The following DDX24 variants were observed in gnomAD, a reference collection of about 807,000 sequenced individuals.
The protein encoded by DDX24 is ATP-dependent RNA helicase DDX24.
A neutral mutation model predicts 68.9 loss-of-function variants in DDX24; 24 were observed. The ratio of observed to expected loss-of-function variants is 0.35; its 90% CI spans 0.25 to 0.49. The LOEUF is 0.49. Ranked by LOEUF, DDX24 falls within the 20% of genes least tolerant of loss-of-function variation. The pLI is 0.99. For missense variants in DDX24, 989 were observed against 1,039.0 expected, an observed-to-expected ratio of 0.95 and a Z score of 0.66; for synonymous variants, 395 against 385.2, an observed-to-expected ratio of 1.03 and a Z score of -0.30.
In DDX24 at chr14:94,071,506, G is replaced by A. The variant is rs374954382; in HGVS notation, c.718+7519C>T. Among the ~76,000 whole-genome samples the A allele has an allele frequency of 2.0e-4, 30 of 152,170 alleles. No homozygotes were observed. The East Asian group carries it at 3.7e-3, about 19-fold the overall frequency. ...TCTACTAAAAATACAAAAATTAGTCGGGCATGGTGGCAGGCACCTGTAATC... is the reference window on the plus strand; with the variant it reads ...TCTACTAAAAATACAAAAATTAGTCAGGCATGGTGGCAGGCACCTGTAATC... On this transcript the variant is annotated intron_variant, in intron 2 of 8. Coordinates refer to ENST00000621632, the MANE Select transcript of DDX24 (RefSeq NM_020414.4).
intron 1 of DDX24, among the ~76,000 whole-genome samples, chr14:94,080,053 T>C (rs1018871947): frequency 6.6e-6 from 1 of 152,206 alleles, no homozygotes; most frequent in African/African-American, 2.4e-5. Flanking sequence ...ACTTCAGTGC[T>C]CTCATCTATA....
chr14:94,068,643 T>C (rs902931690), intron 2 of DDX24, among the ~76,000 whole-genome samples: 1 of 152,024 alleles, frequency 6.6e-6, no homozygotes, highest in Non-Finnish European at 1.5e-5. Flanking sequence ...TTTAAGAAAA[T>C]TGAAATTATA....
At chr14:94,060,769 A>G in intron 4 of DDX24, 144 bp downstream of exon 4, 2 of 1,459,400 alleles carry the variant, frequency 1.4e-6, no homozygotes, top group Non-Finnish European at 1.8e-6. Flanking sequence ...TCCCTCATGC[A>G]CTCTTGGCTT....
intron 2 of DDX24, among the ~76,000 whole-genome samples, chr14:94,075,479 C>G (rs1322525490): frequency 1.3e-5 from 2 of 152,190 alleles, no homozygotes; most frequent in Admixed American, 1.3e-4. Context: ...ATCCATACTT[C>G]TCACTCTAAA....
chr14:94,057,906 G>C lies in DDX24; in HGVS notation c.1914-9C>G. The C allele has an allele frequency of 6.2e-7, 1 of 1,612,418 alleles. No individual in the cohort carries two copies. The highest frequency in any genetic ancestry group is 8.5e-7 in the Non-Finnish European group (1 of 1,179,330). ...TTGCCAAGAGAACACAGCTGGGGTA[G>C]AGAGAGAAAGCTTATTAATAATAAC... On this transcript the variant is annotated splice_polypyrimidine_tract_variant and intron_variant, in intron 5 of 8. Coordinates refer to ENST00000621632, the MANE Select transcript of DDX24 (RefSeq NM_020414.4).
intron 2 of DDX24, among the ~76,000 whole-genome samples, chr14:94,067,229 G>T (rs192864435): frequency 1.2e-4 from 18 of 151,990 alleles, no homozygotes; most frequent in Admixed American, 3.9e-4. Flanking sequence ...ACAAGTAGAA[G>T]AAAGAAATTC....
intron 2 of DDX24, among the ~76,000 whole-genome samples, chr14:94,068,862 C>T (rs571438422): frequency 6.6e-6 from 1 of 152,244 alleles, no homozygotes; most frequent in South Asian, 2.1e-4. Flanking sequence ...ACAGCAAAGG[C>T]AGCACTAAGA....
In DDX24 at chr14:94,051,245, C is replaced by T. The variant is rs775191720; in HGVS notation, c.2526G>A (p.Lys842=). 2 of 1,594,584 alleles carry T rather than the reference C, an allele frequency of 1.3e-6. No homozygotes were observed. Among genetic ancestry groups the T allele is most frequent in the Middle Eastern group, 1.7e-4 (1 of 5,954 alleles). ...CLSKQKKKKT[K]KPKEPQPEQP... is the part of the protein sequence containing the mutation. ...GTTCCGGCTGTGGCTCCTTCGGCTT[C>T]TTTGTCTTCTTCTTCTTCTGCTTGG... is the stretch of plus-strand genomic sequence containing the variant. The change falls in exon 9 of 9, where the codon AAG becomes AAA. Residue 842 remains lysine (K), a synonymous_variant. Transcript: ENST00000621632.
At chr14:94,064,197 T>A (rs1053716274) in intron 2 of DDX24, among the ~76,000 whole-genome samples, 1 of 152,160 alleles carries the variant, frequency 6.6e-6, no homozygotes, top group Admixed American at 6.5e-5. Context: ...ACAAAAAAGA[T>A]AAAATGGTAT....
Position 94,060,257 on chromosome 14 carries a change from T to G in DDX24, c.1754A>C (p.Gln585Pro). 1 of 1,614,244 alleles carries G rather than the reference T, an allele frequency of 6.2e-7. No homozygotes were observed. The highest frequency in any genetic ancestry group is 8.5e-7 in the Non-Finnish European group (1 of 1,180,054). The change falls in exon 5 of 9, where the codon CAG becomes CCG. Residue 585 changes from glutamine (Q) to proline (P), a missense_variant. Physicochemically the swap from Gln to Pro is moderately conservative, Grantham distance 76. Coordinates refer to ENST00000621632, the MANE Select transcript of DDX24 (RefSeq NM_020414.4). The stretch of plus-strand genomic sequence containing the variant: ...AAACACTAAGCTGCGGCCTGGATAC[T>G]GCATCAGGAAGTAGTACAAGTAGAA... The part of the protein sequence containing the change: ...KDFYLYYFLM[Q>P]YPGRSLVFAN...
Position 94,060,980 on chromosome 14 carries a change from T to G in DDX24, c.1330A>C (p.Thr444Pro). 6.2e-7 allele frequency: 1 copy of G among 1,614,046 alleles called. No homozygotes were observed. The highest frequency in any genetic ancestry group is 8.5e-7 in the Non-Finnish European group (1 of 1,180,014). ...LNRRPEIVVA[T>P]PGRLWELIKE... ...ATTAATTCCCACAGCCGGCCTGGAG[T>G]AGCAACCACAATCTCAGGACGACGG... The change falls in exon 4 of 9, where the codon ACT becomes CCT. Residue 444 changes from threonine (T) to proline (P), a missense_variant. Around this residue, in one of 3 missense-constraint regions of DDX24, gnomAD observed 691 missense variants for 760.0 expected, o/e 0.91. Coordinates refer to ENST00000621632, the MANE Select transcript of DDX24 (RefSeq NM_020414.4).
At chr14:94,078,439 A>C (rs1008503772) in intron 2 of DDX24, among the ~76,000 whole-genome samples, 1 of 152,204 alleles carries the variant, frequency 6.6e-6, no homozygotes, top group Non-Finnish European at 1.5e-5. Flanking sequence ...AGGAACCTCA[A>C]ACACAGCATA....
At position 94,051,314 on chromosome 14, in the gene DDX24, A is replaced by C. The variant is rs918412200; in HGVS notation, c.2457T>G (p.Leu819=). Reference sequence around the variant, plus strand: ...ACTCGCTCTTACTTGGGGCAGACACAAGCAGGGGCGGCTTGCCAGACTGAG... The same window carrying C: ...ACTCGCTCTTACTTGGGGCAGACACCAGCAGGGGCGGCTTGCCAGACTGAG... The part of the protein sequence containing the change: ...YPTQSGKPPL[L]VSAPSKSESA... Residue 819 remains leucine, a synonymous_variant, in exon 9 of 9, where the codon CTT becomes CTG. Transcript: ENST00000621632. 1 of 1,613,220 alleles carries C rather than the reference A, an allele frequency of 6.2e-7. No homozygotes were observed. The highest frequency in any genetic ancestry group is 8.5e-7 in the Non-Finnish European group (1 of 1,179,850).
At chr14:94,054,168 G>A (rs907376170) in intron 7 of DDX24, among the ~76,000 whole-genome samples, 5 of 152,206 alleles carry the variant, frequency 3.3e-5, no homozygotes, top group Non-Finnish European at 7.3e-5. Flanking sequence ...GTGGCAAAAT[G>A]AGAAGGATCT....
In DDX24 at chr14:94,079,469, A is replaced by G. The variant is rs772973355; in HGVS notation, c.274T>C (p.Ser92Pro). 13 of 1,613,782 alleles carry G rather than the reference A, an allele frequency of 8.1e-6. No homozygotes were observed. The highest frequency in any genetic ancestry group is 1.1e-5 in the South Asian group (1 of 91,028). The change falls in exon 2 of 9, where the codon TCT becomes CCT. Residue 92 changes from serine (S) to proline (P), a missense_variant. Ser to Pro is a moderately conservative substitution (Grantham distance 74). Coordinates refer to ENST00000621632, the MANE Select transcript of DDX24 (RefSeq NM_020414.4). ...SEEEEEEEGKSSSPKKKIKLK... is the reference protein window; with the variant it reads ...SEEEEEEEGKPSSPKKKIKLK... ...TTGATCTTTTTCTTTGGTGAGCTAGACTTTCCCTCCTCCTCCTCCTCTTCT... is the reference window on the plus strand; with the variant it reads ...TTGATCTTTTTCTTTGGTGAGCTAGGCTTTCCCTCCTCCTCCTCCTCTTCT...
intron 2 of DDX24, among the ~76,000 whole-genome samples, chr14:94,074,101 G>A (rs1217736673): frequency 1.3e-5 from 2 of 149,660 alleles, no homozygotes; most frequent in Non-Finnish European, 3.0e-5. Flanking sequence ...ATTAAACAAA[G>A]TAAATTTGTA....
At chr14:94,076,765 A>G (rs1038199356) in intron 2 of DDX24, among the ~76,000 whole-genome samples, 2 of 152,120 alleles carry the variant, frequency 1.3e-5, no homozygotes, top group Non-Finnish European at 1.5e-5. Flanking sequence ...GAGGAGGAAC[A>G]AGAACTGAGG....
In DDX24 at chr14:94,049,054, C is replaced by G. The variant is rs1370123434; in HGVS notation, c.*2137G>C. The G allele has an allele frequency of 2.0e-5, 3 of 152,180 alleles. No homozygotes were observed. The highest frequency in any genetic ancestry group is 6.5e-5 in the Admixed American group (1 of 15,286). The allele number at this position is 152,180 out of a possible 1,614,324, so 9.4% of individuals were successfully genotyped here. A position where few individuals can be genotyped will look rare whatever the true frequency, so the allele number is the denominator to read the frequency against. ...GGATATTCCTTGTTTAATGGCAGAT[C>G]CAGGACACTCCGGAAGCTCTGCCCA... On this transcript the variant is annotated 3_prime_UTR_variant, in exon 9 of 9. Coordinates refer to ENST00000621632, the MANE Select transcript of DDX24 (RefSeq NM_020414.4).
rs551914114 is a variant in DDX24 at position 94,053,130 on chromosome 14, G to A, written c.2179-3C>T. ...TGTCGAGCTAAACGGATTCGCTCCT[G>A]GGGGGAAGTAACAGAAAATATTCAT... On this transcript the variant is annotated splice_region_variant and splice_polypyrimidine_tract_variant and intron_variant, in intron 7 of 8. Transcript: ENST00000621632. 168 of 1,613,826 alleles carry A rather than the reference G, an allele frequency of 1.0e-4. No homozygotes were observed. In the South Asian group the frequency reaches 1.6e-3, roughly 15 times the overall value.
Sources: allele counts gnomAD v4.1 joint callset (sites outside exome capture counted in the v4.1 genomes callset), GRCh38; gene constraint gnomAD v4.1.1; regional missense constraint gnomAD v4.1.1; transcripts MANE v1.5; gene names NCBI Gene and HGNC (gene_info 2026-07-23, HGNC 2026-07-21).